Variants in MACO1 observed in about 807,000 individuals in gnomAD.
MACO1 encodes the protein macoilin 1.
A neutral mutation model predicts 78.7 loss-of-function variants in MACO1; 14 were observed. That is an observed-to-expected ratio of 0.18 (90% CI 0.12 to 0.28). The LOEUF (loss-of-function observed/expected upper bound fraction) is 0.28, where lower values mean the gene tolerates loss of function less well. MACO1 is among the 10% of genes least tolerant of loss of function. MACO1 has a pLI of 1.00. For synonymous variants in MACO1, 288 were observed against 291.6 expected (o/e 0.99, Z 0.12); for missense variants, 501 against 799.0 (o/e 0.63, Z 4.50).
chr1:25,432,844 T>C (rs150447057), intron 1 of MACO1, among the ~76,000 whole-genome samples: 1 of 152,212 alleles, frequency 6.6e-6, no homozygotes, highest in African/African-American at 2.4e-5. Flanking sequence ...CCATATTGTT[T>C]ACGTGTTTTC....
chr1:25,435,762 G>A (rs1384337716), intron 1 of MACO1, among the ~76,000 whole-genome samples: 1 of 152,208 alleles, frequency 6.6e-6, no homozygotes, highest in Non-Finnish European at 1.5e-5. Context: ...TATTGTTTTA[G>A]AGGAGTGTTG....
chr1:25,450,939 T>A (rs375878600), intron 3 of MACO1, among the ~76,000 whole-genome samples: 13 of 152,330 alleles, frequency 8.5e-5, no homozygotes, highest in African/African-American at 3.1e-4. Flanking sequence ...CTGTGGCGAT[T>A]TCTTAAATTT....
At chr1:25,472,962 T>A (rs750160674) in intron 6 of MACO1, among the ~76,000 whole-genome samples, 1 of 152,232 alleles carries the variant, frequency 6.6e-6, no homozygotes, top group African/African-American at 2.4e-5. Flanking sequence ...TAGACTAAAT[T>A]GAATATGTTG....
At chr1:25,431,579 TG>T (rs2042870054) in intron 1 of MACO1, among the ~76,000 whole-genome samples, 1 of 151,560 alleles carries the variant, frequency 6.6e-6, no homozygotes, top group Admixed American at 6.6e-5. Flanking sequence ...CCCGGTGGCC[TG>T]GGGGCTTGCC....
intron 3 of MACO1, among the ~76,000 whole-genome samples, chr1:25,450,936 G>A (rs998147134): frequency 1.4e-4 from 22 of 152,140 alleles, no homozygotes; most frequent in African/African-American, 4.8e-4. Context: ...GAGCTGTGGC[G>A]ATTTCTTAAA....
chr1:25,448,724 T>C (rs1315457486), intron 2 of MACO1, 84 bp from the exon 3 acceptor site: 1 of 1,278,594 alleles, frequency 7.8e-7, no homozygotes, highest in Non-Finnish European at 1.0e-6. Context: ...TCAATAATTT[T>C]GTCCAACATG....
intron 5 of MACO1, among the ~76,000 whole-genome samples, chr1:25,457,059 A>C (rs1275479685): frequency 1.3e-5 from 2 of 151,538 alleles, no homozygotes; most frequent in Non-Finnish European, 2.9e-5. Context: ...TATTATTTTA[A>C]AATATATTTA....
intron 3 of MACO1, among the ~76,000 whole-genome samples, chr1:25,449,848 A>G (rs969262594): frequency 6.6e-6 from 1 of 152,090 alleles, no homozygotes; most frequent in Non-Finnish European, 1.5e-5. Flanking sequence ...GTGAAACCCC[A>G]CCTCTACTAA....
At chr1:25,468,126 T>C (rs1165525102) in intron 6 of MACO1, among the ~76,000 whole-genome samples, 1 of 151,174 alleles carries the variant, frequency 6.6e-6, no homozygotes, top group Non-Finnish European at 1.5e-5. Context: ...ACTAGAGAGG[T>C]GCTGTTGTGT....
intron 10 of MACO1, 112 bp from the exon 11 acceptor site, chr1:25,498,152 C>G (rs2043554160): frequency 3.8e-6 from 4 of 1,054,094 alleles, no homozygotes; most frequent in Admixed American, 2.3e-5. Context: ...TTATAAATCA[C>G]TGAACCTGGA....
chr1:25,484,326 C>G (rs2043409112), intron 7 of MACO1, 52 bp downstream of exon 7: 1 of 1,515,378 alleles, frequency 6.6e-7, no homozygotes, highest in African/African-American at 1.4e-5. Flanking sequence ...TTCACTGCTT[C>G]TCCTGTTGCC....
intron 6 of MACO1, among the ~76,000 whole-genome samples, chr1:25,464,066 G>A (rs1428508279): frequency 1.3e-5 from 2 of 152,028 alleles, no homozygotes; most frequent in African/African-American, 2.4e-5. Context: ...AGTCTTATGG[G>A]TTTGAATACA....
intron 6 of MACO1, among the ~76,000 whole-genome samples, chr1:25,464,227 A>G (rs1173584000): frequency 6.6e-6 from 1 of 151,926 alleles, no homozygotes; most frequent in African/African-American, 2.4e-5. Context: ...TGCCTTTTCC[A>G]GAGTGTCGTA....
chr1:25,475,908 T>C (rs1400895081), intron 6 of MACO1, among the ~76,000 whole-genome samples: 1 of 152,224 alleles, frequency 6.6e-6, no homozygotes, highest in East Asian at 1.9e-4. Flanking sequence ...TTCCATGTCA[T>C]TGAATATTCT....
chr1:25,439,645 T>G (rs1455632710), intron 1 of MACO1, among the ~76,000 whole-genome samples: 1 of 151,944 alleles, frequency 6.6e-6, no homozygotes, highest in Non-Finnish European at 1.5e-5. Context: ...GTTTATTTTA[T>G]GTTAAGGCTC....
intron 6 of MACO1, among the ~76,000 whole-genome samples, chr1:25,480,424 T>C (rs1256694309): frequency 6.6e-6 from 1 of 152,230 alleles, no homozygotes; most frequent in African/African-American, 2.4e-5. Flanking sequence ...TGAAGTATTT[T>C]AGTTCTGTGT....
chr1:25,441,007 G>A (rs1023428424), intron 1 of MACO1, among the ~76,000 whole-genome samples: 3 of 152,136 alleles, frequency 2.0e-5, no homozygotes, highest in Admixed American at 6.5e-5. Context: ...GATGGGAGCA[G>A]GTTCATGGTA....
chr1:25,484,058 T>A, intron 6 of MACO1, 58 bp from the exon 7 acceptor site: 2 of 1,547,226 alleles, frequency 1.3e-6, no homozygotes, highest in Non-Finnish European at 1.7e-6. Context: ...ACCAGGTCCC[T>A]CCCAGCTCTG....
intron 1 of MACO1, among the ~76,000 whole-genome samples, chr1:25,433,266 ATT>A (rs373715355): frequency 6.9e-6 from 1 of 145,612 alleles, no homozygotes. Context: ...GAAGAACAAG[ATT>A]TTTTTTTTTT....
Sources: allele counts gnomAD v4.1 joint callset (sites outside exome capture counted in the v4.1 genomes callset), GRCh38; gene constraint gnomAD v4.1.1; transcripts MANE v1.5; gene names NCBI Gene and HGNC (gene_info 2026-07-23, HGNC 2026-07-21).